EFCAB6: variants seen among roughly 807,000 people sequenced by gnomAD.
EFCAB6 encodes the protein EF-hand calcium binding domain 6.
In EFCAB6, 156 loss-of-function variants were observed where a neutral mutation model predicts 169.8. The ratio of observed to expected loss-of-function variants is 0.92; its 90% CI spans 0.81 to 1.05. The LOEUF is 1.05. Ranked by LOEUF, EFCAB6 falls within the 50% of genes least tolerant of loss-of-function variation. The probability of loss-of-function intolerance (pLI) is 0.00; values close to 1 mark genes in which losing one functional copy is unlikely to be tolerated. For missense variants in EFCAB6, 1,800 were observed against 1,829.1 expected (o/e 0.98, Z 0.29); for synonymous variants, 698 against 676.4 (o/e 1.03, Z -0.50).
In EFCAB6 at chr22:43,795,898, C is replaced by G. The variant is rs1363487769; in HGVS notation, c.-8+13097G>C. On this transcript the variant is annotated intron_variant, in intron 2 of 31. Coordinates refer to ENST00000262726, the MANE Select transcript of EFCAB6 (RefSeq NM_022785.4). The surrounding 1 kb of genome is among the most constrained non-coding windows in gnomAD (Gnocchi z 4.2). Reference sequence around the variant, plus strand: ...AGTCACCACACACAATACACACTCACCACACATACACCACACACACACACA... The same window carrying G: ...AGTCACCACACACAATACACACTCAGCACACATACACCACACACACACACA... 6.6e-6 allele frequency among the ~76,000 whole-genome samples: 1 copy of G among 150,834 alleles called. No individual in the cohort carries two copies. Among genetic ancestry groups the G allele is most frequent in the Non-Finnish European group, 1.5e-5 (1 of 67,714 alleles).
At chr22:43,605,920 G>A (rs2052887552) in intron 22 of EFCAB6, among the ~76,000 whole-genome samples, 1 of 152,130 alleles carries the variant, frequency 6.6e-6, no homozygotes. Context: ...CTAATGAAGT[G>A]AAATAAAAAT....
intron 26 of EFCAB6, among the ~76,000 whole-genome samples, chr22:43,564,971 C>T (rs1010445493): frequency 2.0e-5 from 3 of 152,186 alleles, no homozygotes; most frequent in Non-Finnish European, 4.4e-5. Context: ...CCTCTATGGC[C>T]CCCCTGCTTC....
intron 27 of EFCAB6, among the ~76,000 whole-genome samples, chr22:43,544,748 T>G (rs2047946959): frequency 6.6e-6 from 1 of 151,926 alleles, no homozygotes; most frequent in Non-Finnish European, 1.5e-5. Flanking sequence ...AAAACTTGCC[T>G]GTGTGGATCC....
chr22:43,800,313 G>A (rs1465501482), intron 2 of EFCAB6, among the ~76,000 whole-genome samples: 1 of 152,128 alleles, frequency 6.6e-6, no homozygotes, highest in East Asian at 1.9e-4. Flanking sequence ...CGGAAAAGGA[G>A]GCAGCAACCT....
chr22:43,721,229 A>G (rs1021217202), intron 8 of EFCAB6, among the ~76,000 whole-genome samples: 7 of 152,236 alleles, frequency 4.6e-5, no homozygotes, highest in Non-Finnish European at 1.0e-4. Context: ...ACTAGAGATG[A>G]CACAAATAAG....
At chr22:43,669,149 TC>T in intron 15 of EFCAB6, 104 bp from the exon 16 acceptor site, 1 of 1,042,488 alleles carries the variant, frequency 9.6e-7, no homozygotes. Flanking sequence ...ACAACTTTCA[TC>T]CACTGCTGGT....
intron 17 of EFCAB6, among the ~76,000 whole-genome samples, chr22:43,643,980 C>A (rs1405163102): frequency 6.6e-6 from 1 of 151,948 alleles, no homozygotes; most frequent in Admixed American, 6.5e-5. Flanking sequence ...CCCACCATGA[C>A]GCCTGGCAAA....
At chr22:43,681,100 T>C (rs547787681) in intron 12 of EFCAB6, among the ~76,000 whole-genome samples, 1 of 152,360 alleles carries the variant, frequency 6.6e-6, no homozygotes, top group South Asian at 2.1e-4. Context: ...TATGGGTTTG[T>C]TGTAAATTCC....
chr22:43,667,636 G>C (rs1030393371), intron 16 of EFCAB6, among the ~76,000 whole-genome samples: 8 of 152,116 alleles, frequency 5.3e-5, no homozygotes, highest in African/African-American at 1.4e-4. Flanking sequence ...TATTTTTTGT[G>C]AAGTGGAAAA....
Position 43,672,111 on chromosome 22 carries a change from G to A in EFCAB6, c.1502C>T (p.Thr501Ile), listed in dbSNP as rs376289598. ...AAAAGCTTGTAGGTTCCTAGTAATTGTATCATGAACAATTTCTTCCACCTA... is the reference window on the plus strand; with the variant it reads ...AAAAGCTTGTAGGTTCCTAGTAATTATATCATGAACAATTTCTTCCACCTA... Reference protein sequence around the residue: ...WDSVEEIVHDTITRNLQAFYN... With the variant: ...WDSVEEIVHDIITRNLQAFYN... Residue 501 changes from threonine (T) to isoleucine (I), a missense_variant, in exon 15 of 32, where the codon ACA (threonine) becomes ATA (isoleucine). By Grantham distance (89) the Thr-to-Ile change is moderately conservative (BLOSUM62 -1). Coordinates refer to ENST00000262726, the MANE Select transcript of EFCAB6 (RefSeq NM_022785.4). The A allele has an allele frequency of 4.3e-6, 7 of 1,613,552 alleles. No homozygotes were observed. Among genetic ancestry groups the A allele is most frequent in the Non-Finnish European group, 5.9e-6 (7 of 1,179,872 alleles).
At chr22:43,717,913 G>T (rs2059389443) in intron 8 of EFCAB6, among the ~76,000 whole-genome samples, 1 of 152,146 alleles carries the variant, frequency 6.6e-6, no homozygotes, top group Non-Finnish European at 1.5e-5. Context: ...ATACTACACA[G>T]ACTTTAAAAA....
chr22:43,585,894 G>A (rs980677292), intron 24 of EFCAB6, among the ~76,000 whole-genome samples: 1 of 152,150 alleles, frequency 6.6e-6, no homozygotes, highest in African/African-American at 2.4e-5. Context: ...TATTTCAACA[G>A]TTTAAACCTA....
intron 30 of EFCAB6, among the ~76,000 whole-genome samples, chr22:43,533,018 G>A (rs62232051): frequency 0.048 from 7,384 of 152,296 alleles, 254 homozygotes; most frequent in Admixed American, 0.088. Context: ...TTGGCTTCAT[G>A]TTTTGGAAGG....
At chr22:43,617,200 C>T (rs150808933) in intron 20 of EFCAB6, among the ~76,000 whole-genome samples, 8 of 152,312 alleles carry the variant, frequency 5.3e-5, no homozygotes, top group Admixed American at 2.0e-4. Flanking sequence ...GATGGAATTA[C>T]GTTGCATTTT....
chr22:43,753,409 C>G (rs2060840250), intron 6 of EFCAB6, among the ~76,000 whole-genome samples: 1 of 152,170 alleles, frequency 6.6e-6, no homozygotes, highest in Non-Finnish European at 1.5e-5. Context: ...GAGCCAGGAC[C>G]AGGTGGATCC....
chr22:43,649,123 G>A (rs748013400), intron 17 of EFCAB6, among the ~76,000 whole-genome samples: 13 of 152,160 alleles, frequency 8.5e-5, no homozygotes, highest in Non-Finnish European at 1.8e-4. Context: ...AAAAGTCCCC[G>A]GGCTGAGAAC....
At chr22:43,614,458 T>C (rs1252258178) in intron 21 of EFCAB6, among the ~76,000 whole-genome samples, 1 of 152,152 alleles carries the variant, frequency 6.6e-6, no homozygotes, top group Non-Finnish European at 1.5e-5. Flanking sequence ...ACAGACCTTA[T>C]ACCCTCCACA....
In EFCAB6 at chr22:43,635,126, G is replaced by C. The variant is rs774727095; in HGVS notation, c.2074C>G (p.Leu692Val). 2 of 1,614,110 alleles carry C rather than the reference G, an allele frequency of 1.2e-6. No individual in the cohort carries two copies. Among genetic ancestry groups the C allele is most frequent in the South Asian group, 2.2e-5 (2 of 91,080 alleles). ...IGFEKEGMSY[L>V]DFAAGFEDPP... ...CCTTCAAATCCTGCTGCAAAATCAA[G>C]ATAGCTCATCCCTTCCTTCTCGAAG... Residue 692 changes from leucine (L) to valine (V), a missense_variant, in exon 18 of 32, where the codon CTT becomes GTT. Leu to Val is a conservative substitution (Grantham distance 32). Coordinates refer to ENST00000262726, the MANE Select transcript of EFCAB6 (RefSeq NM_022785.4).
chr22:43,605,761 G>T (rs1438705138), intron 22 of EFCAB6, among the ~76,000 whole-genome samples: 1 of 152,176 alleles, frequency 6.6e-6, no homozygotes, highest in Non-Finnish European at 1.5e-5. Context: ...AATTGGTGAA[G>T]ATGGTAAACT....
Sources: gnomAD v4.1 joint callset for allele counts (sites outside exome capture counted in the v4.1 genomes callset) on GRCh38, gnomAD v4.1.1 for gene constraint, Gnocchi (gnomAD v3.1) non-coding constraint, MANE v1.5 for transcripts, NCBI Gene and HGNC (gene_info 2026-07-23, HGNC 2026-07-21) for gene names.